EBF1: variants seen among roughly 807,000 people sequenced by gnomAD.
EBF1 encodes the protein transcription factor COE1.
EBF1 carries 10 observed loss-of-function variants against 68.4 expected under a neutral mutation model. The observed-to-expected ratio is 0.15, with a 90% CI of 0.09 to 0.25. The LOEUF (loss-of-function observed/expected upper bound fraction) is 0.25. Ranked by LOEUF, EBF1 falls within the 10% of genes least tolerant of loss-of-function variation. The pLI is 1.00. For synonymous variants in EBF1, 298 were observed against 299.8 expected (o/e 0.99, Z 0.06); for missense variants, 509 against 794.4 (o/e 0.64, Z 4.32).
At chr5:159,092,896 G>GA (rs922285765) in intron 4 of EBF1, among the ~76,000 whole-genome samples, 12 of 149,660 alleles carry the variant, frequency 8.0e-5, no homozygotes, top group African/African-American at 1.2e-4. Context: ...AATTTCACAG[G>GA]AAAAAAAAAT....
At chr5:158,917,803 T>G (rs1453426752) in intron 6 of EBF1, among the ~76,000 whole-genome samples, 8 of 152,148 alleles carry the variant, frequency 5.3e-5, no homozygotes, top group African/African-American at 1.9e-4. Flanking sequence ...AAACTCCCTC[T>G]TTTTCCTCAA....
intron 6 of EBF1, among the ~76,000 whole-genome samples, chr5:158,845,216 A>G (rs1195041847): frequency 6.6e-6 from 1 of 152,226 alleles, no homozygotes. Flanking sequence ...AGTAGAATAT[A>G]CTGGGCAAGA....
intron 6 of EBF1, among the ~76,000 whole-genome samples, chr5:159,013,294 A>T (rs1765019979): frequency 6.6e-6 from 1 of 152,242 alleles, no homozygotes; most frequent in Non-Finnish European, 1.5e-5. Flanking sequence ...AAGCAGACAC[A>T]GGCCCTGCCC....
intron 10 of EBF1, among the ~76,000 whole-genome samples, chr5:158,736,457 GGTT>G (rs1765209814): frequency 6.6e-6 from 1 of 152,096 alleles, no homozygotes; most frequent in Non-Finnish European, 1.5e-5. Flanking sequence ...TTTTTTTAAT[GGTT>G]GTGTGACATG....
At chr5:158,737,853 C>T (rs1048358269) in intron 10 of EBF1, among the ~76,000 whole-genome samples, 1 of 152,056 alleles carries the variant, frequency 6.6e-6, no homozygotes. Context: ...GAGGGAAGAT[C>T]CTCAGGACTG....
chr5:158,914,462 C>T (rs1033775135), intron 6 of EBF1, among the ~76,000 whole-genome samples: 1 of 152,130 alleles, frequency 6.6e-6, no homozygotes, highest in Non-Finnish European at 1.5e-5. Context: ...GACTATTAGG[C>T]CCCTTGCTGT....
chr5:158,843,917 C>T (rs761310151), intron 6 of EBF1, among the ~76,000 whole-genome samples: 5 of 152,124 alleles, frequency 3.3e-5, no homozygotes, highest in Admixed American at 6.5e-5. Flanking sequence ...TGCTGGCCTA[C>T]GGAGAAGATC....
At chr5:158,773,291 A>T (rs1177102164) in intron 10 of EBF1, among the ~76,000 whole-genome samples, 1 of 152,212 alleles carries the variant, frequency 6.6e-6, no homozygotes, top group Admixed American at 6.5e-5. Context: ...TTGGCAAAGG[A>T]TGTGGAGTTA....
chr5:158,887,611 A>G (rs1800308450), intron 6 of EBF1, among the ~76,000 whole-genome samples: 1 of 152,222 alleles, frequency 6.6e-6, no homozygotes, highest in Non-Finnish European at 1.5e-5. Context: ...ACAATTCTTA[A>G]GAAAAGCATA....
chr5:159,002,757 T>C (rs1326981636), intron 6 of EBF1, among the ~76,000 whole-genome samples: 5 of 152,230 alleles, frequency 3.3e-5, no homozygotes, highest in Non-Finnish European at 7.3e-5. Flanking sequence ...TCATCTTTAG[T>C]ATACATAGTC....
intron 6 of EBF1, among the ~76,000 whole-genome samples, chr5:158,860,880 T>G (rs569655900): frequency 2.0e-5 from 3 of 152,290 alleles, no homozygotes; most frequent in African/African-American, 7.2e-5. Context: ...AGGGTGAGCG[T>G]GGGCCTCTAA....
At chr5:158,999,450 C>T (rs914049456) in intron 6 of EBF1, among the ~76,000 whole-genome samples, 5 of 152,206 alleles carry the variant, frequency 3.3e-5, no homozygotes, top group Non-Finnish European at 4.4e-5. Context: ...CTTGGCTAAG[C>T]GGGAACATGA....
chr5:158,727,771 TCTG>T (rs1763290621), intron 11 of EBF1, among the ~76,000 whole-genome samples: 1 of 152,214 alleles, frequency 6.6e-6, no homozygotes, highest in Non-Finnish European at 1.5e-5. Context: ...GGTAAAGATG[TCTG>T]CTGCCCAGCC....
intron 9 of EBF1, among the ~76,000 whole-genome samples, chr5:158,789,560 G>T (rs1035305121): frequency 4.6e-5 from 7 of 152,178 alleles, no homozygotes; most frequent in African/African-American, 1.7e-4. Flanking sequence ...ATAACCAAAA[G>T]CTGAATGGGG....
chr5:158,874,169 T>G (rs1239111371), intron 6 of EBF1, among the ~76,000 whole-genome samples: 1 of 152,220 alleles, frequency 6.6e-6, no homozygotes, highest in Non-Finnish European at 1.5e-5. Context: ...GTTTTTCCTC[T>G]TTAAACATGG....
intron 10 of EBF1, among the ~76,000 whole-genome samples, chr5:158,775,745 AAC>A (rs3220206): frequency 0.11 from 14,793 of 137,328 alleles, 855 homozygotes; most frequent in African/African-American, 0.15. Flanking sequence ...AGACTTGTAA[AAC>A]ACACACACAC....
At chr5:159,033,713 TGCCCCAAAG>T (rs1188513390) in intron 6 of EBF1, among the ~76,000 whole-genome samples, 1 of 152,200 alleles carries the variant, frequency 6.6e-6, no homozygotes, top group Non-Finnish European at 1.5e-5. Flanking sequence ...AATTAATGAT[TGCCCCAAAG>T]TTTACAAATG....
chr5:158,721,109 T>C (rs1228197270), intron 11 of EBF1, among the ~76,000 whole-genome samples: 1 of 152,152 alleles, frequency 6.6e-6, no homozygotes, highest in East Asian at 1.9e-4. Flanking sequence ...AAAAACATTC[T>C]AGTCTAGAGA....
intron 6 of EBF1, among the ~76,000 whole-genome samples, chr5:158,891,790 T>C (rs1468405519): frequency 6.6e-6 from 1 of 152,218 alleles, no homozygotes; most frequent in Non-Finnish European, 1.5e-5. Flanking sequence ...TCTTACTCTA[T>C]AGTTTTCCAG....
Sources: gnomAD v4.1 joint callset for allele counts (sites outside exome capture counted in the v4.1 genomes callset) on GRCh38, gnomAD v4.1.1 for gene constraint, MANE v1.5 for transcripts, NCBI Gene and HGNC (gene_info 2026-07-23, HGNC 2026-07-21) for gene names.